Variants in ARAF observed in about 807,000 individuals in gnomAD.
ARAF encodes serine/threonine-protein kinase A-Raf.
ARAF carries 18 observed loss-of-function variants against 48.0 expected under a neutral mutation model. That is an observed-to-expected ratio of 0.37 (90% CI 0.26 to 0.56). The LOEUF (loss-of-function observed/expected upper bound fraction) is 0.56, where lower values mean the gene tolerates loss of function less well. Among genes scored for constraint, ARAF ranks in the 20% least tolerant of loss-of-function variants. ARAF has a pLI of 0.77. For missense variants in ARAF, 389 were observed against 543.1 expected (o/e 0.72, Z 2.82); for synonymous variants, 207 against 220.1 (o/e 0.94, Z 0.53).
chrX:47,563,928 G>A (rs766291037), intron 3 of ARAF, among the ~76,000 whole-genome samples: 8 of 112,138 alleles, frequency 7.1e-5, no homozygotes, highest in Non-Finnish European at 1.3e-4. Flanking sequence ...AGGCTACTAA[G>A]TGATGGGCGG....
chrX:47,569,886 G>C lies in ARAF; in HGVS notation c.1420-7G>C. ...GTGGTCCCCCTGCCTGGTCTGGCCTGTTGTAGGCAGCTGAGGTGATCCGTA... is the reference window on the plus strand; with the variant it reads ...GTGGTCCCCCTGCCTGGTCTGGCCTCTTGTAGGCAGCTGAGGTGATCCGTA... On this transcript the variant is annotated splice_polypyrimidine_tract_variant and splice_region_variant and intron_variant, in intron 13 of 15. Transcript: ENST00000377045. The C allele has an allele frequency of 8.3e-7, 1 of 1,206,226 alleles. No individual in the cohort carries two copies. The highest frequency in any genetic ancestry group is 1.1e-6 in the Non-Finnish European group (1 of 893,072).
chrX:47,570,883 C>T lies in ARAF; in HGVS notation c.1557C>T (p.Ile519=). ...YSHIGCRDQI[I]FMVGRGYLSP... ...CTGCCCCCGTCTGCCCCCAGATTAT[C>T]TTTATGGTGGGCCGTGGCTATCTGT... Residue 519 remains isoleucine (I), a synonymous_variant, in exon 15 of 16, where the codon ATC becomes ATT. Coordinates refer to ENST00000377045, the MANE Select transcript of ARAF (RefSeq NM_001654.5). 1 of 1,209,983 alleles carries T rather than the reference C, an allele frequency of 8.3e-7. No homozygotes were observed. The highest frequency in any genetic ancestry group is 1.1e-6 in the Non-Finnish European group (1 of 894,350).
rs957126054 is a variant in ARAF at position 47,564,790 on chromosome X, C to G, written c.201-7C>G. ...CTCCCACTCATTCCTTTCCATGCCC[C>G]CTGCAGACGAAAGACGGTCACTGCC... On this transcript the variant is annotated splice_region_variant and splice_polypyrimidine_tract_variant and intron_variant, in intron 3 of 15. Transcript: ENST00000377045. 3 of 1,189,402 alleles carry G rather than the reference C, an allele frequency of 2.5e-6. No homozygotes were observed. The African/African-American group carries it at 5.3e-5, about 21-fold the overall frequency.
intron 14 of ARAF, 37 bp from the exon 15 acceptor site, chrX:47,570,841 C>T (rs1382260322): frequency 8.4e-7 from 1 of 1,186,979 alleles, no homozygotes. Flanking sequence ...AGCCCCTGAC[C>T]CCAGATCACC....
Position 47,564,833 on chromosome X carries a change from T to C in ARAF, c.237T>C (p.Ala79=). 2 of 1,208,718 alleles carry C rather than the reference T, an allele frequency of 1.7e-6. No homozygotes were observed. The highest frequency in any genetic ancestry group is 2.2e-6 in the Non-Finnish European group (2 of 894,045). The part of the protein sequence containing the change: ...KTVTAWDTAI[A]PLDGEELIVE... ...TCACTGCCTGGGACACAGCCATTGCTCCCCTGGATGGCGAGGAGCTCATTG... is the reference window on the plus strand; with the variant it reads ...TCACTGCCTGGGACACAGCCATTGCCCCCCTGGATGGCGAGGAGCTCATTG... Residue 79 remains alanine, a synonymous_variant, in exon 4 of 16, where the codon GCT becomes GCC. Transcript: ENST00000377045.
In ARAF at chrX:47,571,855, G is replaced by A. The variant is rs941868029; in HGVS notation, c.*398G>A. ...GGGGGGTCCCTTTTGTGTCTCCCCC[G>A]CCATTCAAGGACTCCTCTCTTTCTT... On this transcript the variant is annotated 3_prime_UTR_variant, in exon 16 of 16. Coordinates refer to ENST00000377045, the MANE Select transcript of ARAF (RefSeq NM_001654.5). 2.1e-5 allele frequency: 4 copies of A among 192,894 alleles called. No homozygotes were observed. Among genetic ancestry groups the A allele is most frequent in the Middle Eastern group, 1.6e-3 (1 of 627 alleles). 15.9% of individuals were successfully genotyped at this position (192,894 alleles called of 1,213,427 possible).
At chrX:47,571,240 T>G in intron 15 of ARAF, 83 bp from the exon 16 acceptor site, 1 of 1,075,484 alleles carries the variant, frequency 9.3e-7, no homozygotes, top group Non-Finnish European at 1.2e-6. Flanking sequence ...TGTGTGTGTG[T>G]GTGTGTGTTT....
intron 14 of ARAF, among the ~76,000 whole-genome samples, chrX:47,570,662 T>C (rs1381946967): frequency 9.0e-6 from 1 of 111,056 alleles, no homozygotes; most frequent in Non-Finnish European, 1.9e-5. Context: ...GAGCCCCAGA[T>C]ACCTACAATC....
intron 6 of ARAF, 112 bp from the exon 7 acceptor site, chrX:47,566,527 G>A (rs1317508824): frequency 1.4e-4 from 111 of 791,512 alleles, no homozygotes; most frequent in Non-Finnish European, 1.9e-4. Context: ...AGTACTGCCA[G>A]TGGACATTCG....
rs1413219188 is a variant in ARAF at position 47,563,317 on chromosome X, G to A, written c.188G>A (p.Arg63Gln). 4 of 1,208,428 alleles carry A rather than the reference G, an allele frequency of 3.3e-6. No individual in the cohort carries two copies. The highest frequency in any genetic ancestry group is 3.0e-5 in the East Asian group (1 of 33,821). ...AATCAGGACTGCTGTGTGGTCTACC[G>A]ACTCATCAAGGGGTGAGTGTGGCAG... ...GLNQDCCVVY[R>Q]LIKGRKTVTA... is the part of the protein sequence containing the mutation. Residue 63 changes from arginine (R) to glutamine (Q), a missense_variant, in exon 3 of 16, where the codon CGA becomes CAA. Arg to Gln is a conservative substitution (Grantham distance 43). Around this residue, in one of 4 missense-constraint regions of ARAF, gnomAD observed 47 missense variants for 66.9 expected, o/e 0.70. Transcript: ENST00000377045.
rs187225161 is a variant in ARAF, at chrX:47,571,282, C to T, written c.1687-41C>T. 288 of 1,182,786 alleles carry T rather than the reference C, an allele frequency of 2.4e-4. No individual in the cohort carries two copies. In the African/African-American group the frequency reaches 4.8e-3, roughly 20 times the overall value. ...GAGGCTGGGGCTGTTGGGATGCCCACAGGGCTCTGGACACCCCTCCTCACC... is the reference window on the plus strand; with the variant it reads ...GAGGCTGGGGCTGTTGGGATGCCCATAGGGCTCTGGACACCCCTCCTCACC... On this transcript the variant is annotated intron_variant, in intron 15 of 15. Coordinates refer to ENST00000377045, the MANE Select transcript of ARAF (RefSeq NM_001654.5).
At position 47,570,861 on chromosome X, in the gene ARAF, C is replaced by A; in HGVS notation, c.1552-17C>A. On this transcript the variant is annotated splice_polypyrimidine_tract_variant and intron_variant, in intron 14 of 15. Transcript: ENST00000377045. ...CTGACCCCAGATCACCCCTTTCCTG[C>A]CCCCGTCTGCCCCCAGATTATCTTT... is the stretch of plus-strand genomic sequence containing the variant. 1 of 1,198,813 alleles carries A rather than the reference C, an allele frequency of 8.3e-7. No individual in the cohort carries two copies. The highest frequency in any genetic ancestry group is 1.8e-5 in the South Asian group (1 of 55,013).
intron 10 of ARAF, among the ~76,000 whole-genome samples, chrX:47,568,325 T>G (rs994716112): frequency 1.2e-4 from 13 of 110,836 alleles, no homozygotes; most frequent in African/African-American, 4.3e-4. Flanking sequence ...ATTATATTGA[T>G]ACATCAGTGA....
intron 1 of ARAF, among the ~76,000 whole-genome samples, 177 bp downstream of exon 1, chrX:47,561,428 G>A (rs2057707398): frequency 8.9e-6 from 1 of 111,992 alleles, no homozygotes; most frequent in Admixed American, 9.4e-5. Flanking sequence ...GGGTGGGGTG[G>A]GTAACAGGAA....
At chrX:47,568,045 GA>G (rs2057740760) in intron 10 of ARAF, among the ~76,000 whole-genome samples, 1 of 111,196 alleles carries the variant, frequency 9.0e-6, no homozygotes, top group South Asian at 3.8e-4. Flanking sequence ...CAACCCTGGG[GA>G]TGTTGGCATT....
At chrX:47,562,195 A>G (rs2057712197) in intron 1 of ARAF, among the ~76,000 whole-genome samples, 1 of 110,378 alleles carries the variant, frequency 9.1e-6, no homozygotes, top group Admixed American at 9.6e-5. Context: ...CCCTCACCAC[A>G]GTAACTGGCA....
At chrX:47,570,288 T>A (rs910255737) in intron 14 of ARAF, 2 of 308,393 alleles carry the variant, frequency 6.5e-6, no homozygotes, top group African/African-American at 5.2e-5. Flanking sequence ...CGAATCTCTA[T>A]ACCTAGAATC....
chrX:47,569,512 C>A, intron 12 of ARAF, 27 bp from the exon 13 acceptor site: 1 of 1,160,151 alleles, frequency 8.6e-7, no homozygotes, highest in Non-Finnish European at 1.2e-6. Flanking sequence ...TATTAGGAGT[C>A]CCTGTAGTGG....
intron 3 of ARAF, 45 bp from the exon 4 acceptor site, chrX:47,564,752 G>C: frequency 9.2e-7 from 1 of 1,087,057 alleles, no homozygotes; most frequent in Non-Finnish European, 1.3e-6. Flanking sequence ...CCTCCCCATG[G>C]CCCCTACCCA....
Sources: allele counts gnomAD v4.1 joint callset (sites outside exome capture counted in the v4.1 genomes callset), GRCh38; gene constraint gnomAD v4.1.1; regional missense constraint gnomAD v4.1.1; transcripts MANE v1.5; gene names NCBI Gene and HGNC (gene_info 2026-07-23, HGNC 2026-07-21).